PIK3R5: variants seen among roughly 807,000 people sequenced by gnomAD.
The protein encoded by PIK3R5 is phosphoinositide-3-kinase regulatory subunit 5.
PIK3R5 carries 32 observed loss-of-function variants against 94.9 expected under a neutral mutation model. The observed-to-expected ratio is 0.34, with a 90% CI of 0.25 to 0.45. The LOEUF is 0.45. PIK3R5 is among the 20% of genes least tolerant of loss of function. The pLI is 1.00. For missense variants in PIK3R5, 853 were observed against 1,144.6 expected (o/e 0.75, Z 3.68); for synonymous variants, 443 against 479.4 (o/e 0.92, Z 0.99).
rs1597381709 is a variant in PIK3R5, at chr17:8,893,756, T to C, written c.413-101A>G. ...AGCACTGGACAATCAGGTTGGAAAT[T>C]CCCGGATGGAGCTCAGGCGAACCTG... On this transcript the variant is annotated intron_variant, in intron 5 of 18. Coordinates refer to ENST00000447110, the MANE Select transcript of PIK3R5 (RefSeq NM_001142633.3). This position sits in a 1 kb window ranked among gnomAD's most constrained non-coding sequence, Gnocchi z 5.1. 1.1e-6 allele frequency: 1 copy of C among 900,248 alleles called. No homozygotes were observed. The highest frequency in any genetic ancestry group is 1.8e-6 in the Non-Finnish European group (1 of 552,084). 55.8% of individuals were successfully genotyped at this position (900,248 alleles called of 1,614,324 possible).
In PIK3R5 at chr17:8,893,887, C is replaced by T; in HGVS notation, c.413-232G>A. 4.8e-6 allele frequency: 2 copies of T among 417,704 alleles called. No homozygotes were observed. The highest frequency in any genetic ancestry group is 8.8e-6 in the Non-Finnish European group (2 of 227,278). 25.9% of individuals were successfully genotyped at this position (417,704 alleles called of 1,614,324 possible). ...CCCACCTCCACCTCCAACACCAAAACTCGGTCCTGGGCCTCGCTGTCCTCT... is the reference window on the plus strand; with the variant it reads ...CCCACCTCCACCTCCAACACCAAAATTCGGTCCTGGGCCTCGCTGTCCTCT... On this transcript the variant is annotated intron_variant, in intron 5 of 18. Coordinates refer to ENST00000447110, the MANE Select transcript of PIK3R5 (RefSeq NM_001142633.3). The surrounding 1 kb of genome is among the most constrained non-coding windows in gnomAD (Gnocchi z 5.1).
At chr17:8,941,877 G>A (rs886740143) in intron 1 of PIK3R5, among the ~76,000 whole-genome samples, 14 of 152,252 alleles carry the variant, frequency 9.2e-5, no homozygotes. Context: ...GCAGGCAGTA[G>A]GACAGGGGAA....
rs1456477711 is a variant in PIK3R5, at chr17:8,881,305, C to T, written c.2383-288G>A. On this transcript the variant is annotated intron_variant, in intron 17 of 18. Coordinates refer to ENST00000447110, the MANE Select transcript of PIK3R5 (RefSeq NM_001142633.3). This position sits in a 1 kb window ranked among gnomAD's most constrained non-coding sequence, Gnocchi z 4.8. ...CCCAGGTCCCCTGATCCAGAGCCTG[C>T]TTTCTTTGGTCTCAGAGTCTTAGGA... 2.0e-5 allele frequency among the ~76,000 whole-genome samples: 3 copies of T among 152,122 alleles called. No individual in the cohort carries two copies. Among genetic ancestry groups the T allele is most frequent in the African/African-American group, 4.8e-5 (2 of 41,404 alleles).
intron 1 of PIK3R5, among the ~76,000 whole-genome samples, chr17:8,953,637 C>T (rs540363771): frequency 1.3e-5 from 2 of 152,210 alleles, no homozygotes; most frequent in African/African-American, 2.4e-5. Flanking sequence ...CTTCAGAAGT[C>T]AGGTGGTAAG....
At chr17:8,918,425 C>T (rs112580902) in intron 1 of PIK3R5, among the ~76,000 whole-genome samples, 1,697 of 152,002 alleles carry the variant, frequency 0.011, 36 homozygotes, top group African/African-American at 0.037. Context: ...TTTGAATGAA[C>T]AAAGAAAGTG....
rs2090074427 is a variant in PIK3R5 at position 8,893,434 on chromosome 17, T to C, written c.482+152A>G. ...AATATCACCAGCAGTGCCAGGGGGTTCCCAGTTCCCTGGAAGCCTGTTTGT... is the reference window on the plus strand; with the variant it reads ...AATATCACCAGCAGTGCCAGGGGGTCCCCAGTTCCCTGGAAGCCTGTTTGT... On this transcript the variant is annotated intron_variant, in intron 6 of 18. Transcript: ENST00000447110. This position sits in a 1 kb window ranked among gnomAD's most constrained non-coding sequence, Gnocchi z 5.1. The C allele has an allele frequency of 1.5e-6, 1 of 648,288 alleles. No individual in the cohort carries two copies. Among genetic ancestry groups the C allele is most frequent in the African/African-American group, 1.8e-5 (1 of 55,352 alleles). The allele number at this position is 648,288 out of a possible 1,614,324, so 40.2% of individuals were successfully genotyped here.
At chr17:8,961,372 C>T (rs2091560595) in intron 1 of PIK3R5, among the ~76,000 whole-genome samples, 2 of 152,174 alleles carry the variant, frequency 1.3e-5, no homozygotes, top group South Asian at 2.1e-4. Flanking sequence ...CGGTTGCTCA[C>T]ACCTGTAATC....
intron 1 of PIK3R5, among the ~76,000 whole-genome samples, chr17:8,940,406 A>C (rs989623702): frequency 1.9e-3 from 8 of 4,186 alleles, no homozygotes; most frequent in Non-Finnish European, 5.8e-3. Flanking sequence ...GGCCATCCTC[A>C]AGAGCTCATC....
intron 1 of PIK3R5, among the ~76,000 whole-genome samples, chr17:8,964,825 G>C (rs528843290): frequency 6.6e-6 from 1 of 152,172 alleles, no homozygotes; most frequent in Non-Finnish European, 1.5e-5. Context: ...CCCTTATTCT[G>C]CCTAAACCCA....
rs890022681 is a variant in PIK3R5, at chr17:8,887,061, A to G, written c.1905+35T>C. ...TAAGTGAGGCTGGGTGACTGCAGCC[A>G]GTGGACCCTGTTCCGCAACCACGGG... On this transcript the variant is annotated intron_variant, in intron 12 of 18. Coordinates refer to ENST00000447110, the MANE Select transcript of PIK3R5 (RefSeq NM_001142633.3). 4.3e-6 allele frequency: 7 copies of G among 1,612,234 alleles called. No individual in the cohort carries two copies. The Admixed American group carries it at 6.7e-5, about 15-fold the overall frequency.
chr17:8,908,185 C>T (rs1332529053), intron 3 of PIK3R5, among the ~76,000 whole-genome samples: 2 of 152,096 alleles, frequency 1.3e-5, no homozygotes, highest in African/African-American at 4.8e-5. Flanking sequence ...ACAGAGAAAG[C>T]CCCATCATGT....
intron 1 of PIK3R5, among the ~76,000 whole-genome samples, chr17:8,943,634 G>A (rs1247397929): frequency 6.6e-6 from 1 of 152,152 alleles, no homozygotes; most frequent in African/African-American, 2.4e-5. Context: ...TTAGCTGGGT[G>A]TGGTGGCGCG....
At chr17:8,943,056 G>T (rs971511832) in intron 1 of PIK3R5, among the ~76,000 whole-genome samples, 1 of 151,208 alleles carries the variant, frequency 6.6e-6, no homozygotes, top group Non-Finnish European at 1.5e-5. Context: ...CTAAACATCA[G>T]CTTGAACCTT....
At chr17:8,927,886 T>C (rs934060599) in intron 1 of PIK3R5, among the ~76,000 whole-genome samples, 21 of 152,134 alleles carry the variant, frequency 1.4e-4, no homozygotes, top group Non-Finnish European at 7.4e-5. Context: ...TTAGTTCCCC[T>C]GAGAGCCTGG....
chr17:8,957,047 C>A (rs1034500056), intron 1 of PIK3R5, among the ~76,000 whole-genome samples: 4 of 152,170 alleles, frequency 2.6e-5, no homozygotes, highest in Non-Finnish European at 4.4e-5. Context: ...AACTGCCCAG[C>A]TTTGGGACCT....
At position 8,890,091 on chromosome 17, in the gene PIK3R5, C is replaced by T. The variant is rs567403558; in HGVS notation, c.693G>A (p.Thr231=). The change falls in exon 8 of 19, where the codon ACG becomes ACA. Residue 231 remains threonine, a synonymous_variant. Coordinates refer to ENST00000447110, the MANE Select transcript of PIK3R5 (RefSeq NM_001142633.3). The surrounding 1 kb of genome is among the most constrained non-coding windows in gnomAD (Gnocchi z 6.1). ...KTLAELEDIF[T]ETAEAQELAS... is the part of the protein sequence containing the mutation. ...CCAGCTCCTGTGCCTCTGCGGTCTC[C>T]GTGAAGATGTCCTCAAGCTCTGCCA... 29 of 1,613,992 alleles carry T rather than the reference C, an allele frequency of 1.8e-5. No homozygotes were observed. The highest frequency in any genetic ancestry group is 2.7e-5 in the African/African-American group (2 of 75,004).
intron 10 of PIK3R5, 141 bp from the exon 11 acceptor site, chr17:8,887,824 C>T: frequency 1.5e-6 from 1 of 650,112 alleles, no homozygotes. Context: ...GAAACCCCAT[C>T]TCTACTAAGA....
intron 1 of PIK3R5, among the ~76,000 whole-genome samples, chr17:8,943,955 C>T (rs550071634): frequency 4.6e-5 from 7 of 151,448 alleles, no homozygotes; most frequent in East Asian, 1.9e-4. Flanking sequence ...ACTCGTGTCA[C>T]GGGGGTTTAT....
Position 8,886,380 on chromosome 17 carries a change from TCCTCCAGCATAGA to T in PIK3R5, c.2035-71_2035-59del. ...AACCTCCTGGAGGGGCCCATTTGGC[TCCTCCAGCATAGA>T]CCTGCTGGCTCTCCCGGGGCAGGGG... On this transcript the variant is annotated intron_variant, in intron 13 of 18. Transcript: ENST00000447110. The T allele has an allele frequency of 2.5e-6, 4 of 1,595,882 alleles. No individual in the cohort carries two copies. In the South Asian group the frequency reaches 4.4e-5, roughly 18 times the overall value.
Sources: gnomAD v4.1 joint callset for allele counts (sites outside exome capture counted in the v4.1 genomes callset) on GRCh38, gnomAD v4.1.1 for gene constraint, Gnocchi (gnomAD v3.1) non-coding constraint, MANE v1.5 for transcripts, NCBI Gene and HGNC (gene_info 2026-07-23, HGNC 2026-07-21) for gene names.